Variants in SGCZ observed in about 807,000 individuals in gnomAD.
SGCZ encodes the protein zeta-sarcoglycan.
In SGCZ, 40 loss-of-function variants were observed where a neutral mutation model predicts 41.3. The ratio of observed to expected loss-of-function variants is 0.97; its 90% CI spans 0.75 to 1.26. The LOEUF (loss-of-function observed/expected upper bound fraction) is 1.26, where lower values mean the gene tolerates loss of function less well. SGCZ is among the 50% of genes most tolerant of loss of function. The pLI is 0.00. For synonymous variants in SGCZ, 206 were observed against 137.5 expected, an observed-to-expected ratio of 1.50 and a Z score of -3.49; for missense variants, 552 against 369.8, an observed-to-expected ratio of 1.49 and a Z score of -4.04.
At chr8:14,652,772 A>T (rs997748572) in intron 1 of SGCZ, among the ~76,000 whole-genome samples, 5 of 152,158 alleles carry the variant, frequency 3.3e-5, no homozygotes, top group Admixed American at 2.6e-4. Flanking sequence ...CACAGTGACT[A>T]CATGCATAGA....
rs139584848 is a variant in SGCZ, at chr8:14,498,950, C to T, written c.234+55782G>A. Among the ~76,000 whole-genome samples the T allele has an allele frequency of 8.4e-3, 1,278 of 151,752 alleles. 20 individuals carry two copies. The highest frequency in any genetic ancestry group is 0.029 in the African/African-American group (1,214 of 41,440). On this transcript the variant is annotated intron_variant, in intron 2 of 7. Transcript: ENST00000382080. ...AATTCTTTAGTCTTGCCTATGACAC[C>T]AGCAGTATCTATGAATGGTCCAGTT...
intron 1 of SGCZ, among the ~76,000 whole-genome samples, chr8:15,201,667 A>G (rs1277177851): frequency 6.6e-6 from 1 of 152,168 alleles, no homozygotes; most frequent in African/African-American, 2.4e-5. Context: ...CCCTCAACTC[A>G]CAGGGAAAAT....
At chr8:14,885,275 G>C (rs973625959) in intron 1 of SGCZ, among the ~76,000 whole-genome samples, 1 of 152,158 alleles carries the variant, frequency 6.6e-6, no homozygotes, top group African/African-American at 2.4e-5. Flanking sequence ...TACCAGCACA[G>C]TGGATGATTC....
At chr8:14,591,203 T>C (rs777753459) in intron 1 of SGCZ, among the ~76,000 whole-genome samples, 6 of 152,014 alleles carry the variant, frequency 3.9e-5, no homozygotes, top group Middle Eastern at 3.4e-3. Flanking sequence ...CAATATCAAA[T>C]AAACTACCTA....
chr8:14,335,753 C>T (rs747308769), intron 2 of SGCZ, among the ~76,000 whole-genome samples: 3 of 152,044 alleles, frequency 2.0e-5, no homozygotes, highest in South Asian at 2.1e-4. Flanking sequence ...CGAGTTACAG[C>T]GCCATACACA....
intron 2 of SGCZ, among the ~76,000 whole-genome samples, chr8:14,527,436 G>A: frequency 6.6e-6 from 1 of 152,158 alleles, no homozygotes; most frequent in Admixed American, 6.6e-5. Flanking sequence ...TAAGTAGCTG[G>A]GACTACAGAT....
chr8:14,968,516 C>T (rs567992177), intron 1 of SGCZ, among the ~76,000 whole-genome samples: 4 of 151,970 alleles, frequency 2.6e-5, no homozygotes, highest in African/African-American at 7.2e-5. Flanking sequence ...TAGCATACTC[C>T]ATTTTCTTAA....
intron 4 of SGCZ, among the ~76,000 whole-genome samples, chr8:14,197,362 G>A (rs573203423): frequency 5.9e-5 from 9 of 152,054 alleles, no homozygotes; most frequent in African/African-American, 1.7e-4. Context: ...TATCCTTCAT[G>A]AAAGAAGAAC....
At chr8:14,366,190 T>C (rs7829344) in intron 2 of SGCZ, among the ~76,000 whole-genome samples, 10,549 of 152,168 alleles carry the variant, frequency 0.069, 600 homozygotes, top group African/African-American at 0.15. Flanking sequence ...ATAACCAAAA[T>C]ACCAGAGACT....
chr8:14,601,028 T>C (rs1452460688), intron 1 of SGCZ, among the ~76,000 whole-genome samples: 2 of 150,128 alleles, frequency 1.3e-5, no homozygotes, highest in Non-Finnish European at 3.0e-5. Flanking sequence ...TTATGCATTT[T>C]ATAATATATT....
chr8:14,210,842 A>C (rs1241374096), intron 4 of SGCZ, among the ~76,000 whole-genome samples: 1 of 152,220 alleles, frequency 6.6e-6, no homozygotes, highest in African/African-American at 2.4e-5. Flanking sequence ...TACAGCAACC[A>C]GTTAGATAAC....
rs991899547 is a variant in SGCZ at position 14,088,928 on chromosome 8, C to G, written c.*1515G>C. Among the ~76,000 whole-genome samples, 1 of 151,916 alleles carries G rather than the reference C, an allele frequency of 6.6e-6. No homozygotes were observed. The highest frequency in any genetic ancestry group is 2.4e-5 in the African/African-American group (1 of 41,400). On this transcript the variant is annotated 3_prime_UTR_variant, in exon 8 of 8. Coordinates refer to ENST00000382080, the MANE Select transcript of SGCZ (RefSeq NM_139167.4). ...GCCATTAATCCCCAAAAGGAAGTTT[C>G]AACACAAATGTTGATAGTGTGCATG...
intron 5 of SGCZ, among the ~76,000 whole-genome samples, chr8:14,110,456 G>C (rs1231694257): frequency 6.6e-6 from 1 of 152,118 alleles, no homozygotes; most frequent in Non-Finnish European, 1.5e-5. Context: ...TAAATTTTCA[G>C]TGAGAATTAA....
chr8:14,515,895 T>C (rs893929473), intron 2 of SGCZ, among the ~76,000 whole-genome samples: 2 of 152,128 alleles, frequency 1.3e-5, no homozygotes, highest in African/African-American at 4.8e-5. Flanking sequence ...TATATTTCAA[T>C]ACGTTGTTAT....
At chr8:14,702,942 TAG>T (rs1193719175) in intron 1 of SGCZ, among the ~76,000 whole-genome samples, 4 of 126,790 alleles carry the variant, frequency 3.2e-5, no homozygotes, top group Non-Finnish European at 6.6e-5. Context: ...GATAGATAGA[TAG>T]ATAGATAGAT....
At chr8:14,814,155 T>A (rs1436227749) in intron 1 of SGCZ, among the ~76,000 whole-genome samples, 1 of 152,150 alleles carries the variant, frequency 6.6e-6, no homozygotes, top group African/African-American at 2.4e-5. Context: ...TTTGAAATAA[T>A]TAATAAGTTA....
At chr8:14,096,050 C>G (rs1216897817) in intron 7 of SGCZ, among the ~76,000 whole-genome samples, 1 of 152,166 alleles carries the variant, frequency 6.6e-6, no homozygotes. Flanking sequence ...CATCTGCAAA[C>G]AGAGACAATT....
At chr8:14,840,659 G>C (rs191162925) in intron 1 of SGCZ, among the ~76,000 whole-genome samples, 43 of 152,196 alleles carry the variant, frequency 2.8e-4, no homozygotes, top group Admixed American at 6.5e-4. Context: ...TAGAAGTAGA[G>C]CATGAAACAT....
At chr8:14,466,424 C>A (rs1801051925) in intron 2 of SGCZ, among the ~76,000 whole-genome samples, 1 of 151,926 alleles carries the variant, frequency 6.6e-6, no homozygotes, top group African/African-American at 2.4e-5. Context: ...TTCCAAAGGT[C>A]TAGATTATAA....
Sources: allele counts gnomAD v4.1 joint callset (sites outside exome capture counted in the v4.1 genomes callset), GRCh38; gene constraint gnomAD v4.1.1; transcripts MANE v1.5; gene names NCBI Gene and HGNC (gene_info 2026-07-23, HGNC 2026-07-21).